The following RIC1 variants were observed in gnomAD, a reference collection of about 807,000 sequenced individuals.
RIC1 encodes RIC1 partner of RAB6A GEF complex.
A neutral mutation model predicts 169.0 loss-of-function variants in RIC1; 88 were observed. That is an observed-to-expected ratio of 0.52 (90% CI 0.44 to 0.62). The LOEUF (loss-of-function observed/expected upper bound fraction) is 0.62, where lower values mean the gene tolerates loss of function less well. RIC1 is among the 20% of genes least tolerant of loss of function. The probability of loss-of-function intolerance (pLI) is 0.00; values close to 1 mark genes in which losing one functional copy is unlikely to be tolerated. For synonymous variants in RIC1, 790 were observed against 601.5 expected (o/e 1.31, Z -4.59); for missense variants, 1,877 against 1,725.5 (o/e 1.09, Z -1.56).
chr9:5,706,671 T>A (rs1159583909), intron 3 of RIC1, among the ~76,000 whole-genome samples: 1 of 152,192 alleles, frequency 6.6e-6, no homozygotes, highest in Non-Finnish European at 1.5e-5. Context: ...TCGAGTCAGT[T>A]GGGAAATTTG....
intron 1 of RIC1, among the ~76,000 whole-genome samples, chr9:5,652,219 T>C (rs1009970916): frequency 6.6e-6 from 1 of 152,240 alleles, no homozygotes; most frequent in African/African-American, 2.4e-5. Context: ...GTATGAATTT[T>C]AGGCTTGTGT....
chr9:5,692,192 G>A (rs1214796014), intron 3 of RIC1, among the ~76,000 whole-genome samples: 1 of 152,096 alleles, frequency 6.6e-6, no homozygotes, highest in Non-Finnish European at 1.5e-5. Flanking sequence ...AATAGTTAAA[G>A]ATACAGGCTT....
rs575131448 is a variant in RIC1 at position 5,687,471 on chromosome 9, A to G, written c.253-2488A>G. On this transcript the variant is annotated intron_variant, in intron 2 of 25. Transcript: ENST00000414202. ...GAGATTTTCCTTTTTTTCTAATATA[A>G]GTATTTTAAGGCTGTAAATTTCCTC... is the stretch of plus-strand genomic sequence containing the variant. 2.2e-4 allele frequency among the ~76,000 whole-genome samples: 33 copies of G among 152,218 alleles called. No homozygotes were observed. In the South Asian group the frequency reaches 2.3e-3, roughly 11 times the overall value.
chr9:5,729,072 C>T (rs1422601569), intron 6 of RIC1, among the ~76,000 whole-genome samples: 1 of 152,124 alleles, frequency 6.6e-6, no homozygotes, highest in Non-Finnish European at 1.5e-5. Context: ...AAGAGTCCTG[C>T]AGTCCTTTCT....
chr9:5,749,320 A>C (rs907506426), intron 12 of RIC1, among the ~76,000 whole-genome samples: 4 of 152,244 alleles, frequency 2.6e-5, no homozygotes, highest in African/African-American at 9.6e-5. Context: ...CACTCCAGCT[A>C]CATGATTCAG....
Position 5,757,320 on chromosome 9 carries a change from A to T in RIC1, c.1861A>T (p.Thr621Ser). The T allele has an allele frequency of 6.2e-7, 1 of 1,613,976 alleles. No individual in the cohort carries two copies. Among genetic ancestry groups the T allele is most frequent in the African/African-American group, 1.3e-5 (1 of 75,040 alleles). ...SIERKSDGPN[T>S]TAGIQVLQEV... is the part of the protein sequence containing the mutation. The stretch of plus-strand genomic sequence containing the variant: ...TTTCTTTTGTTTTTACAGTCCAAAT[A>T]CTACTGCTGGTATTCAAGTTCTTCA... The change falls in exon 17 of 26, where the codon ACT becomes TCT. Residue 621 changes from threonine to serine, a missense_variant. Physicochemically the swap from Thr to Ser is moderately conservative, Grantham distance 58. Transcript: ENST00000414202.
intron 1 of RIC1, among the ~76,000 whole-genome samples, chr9:5,641,639 ATT>A (rs1818255251): frequency 1.4e-5 from 2 of 144,718 alleles, no homozygotes; most frequent in African/African-American, 5.6e-5. Context: ...CTCTGACTAT[ATT>A]GTCAAGTAGC....
In RIC1 at chr9:5,705,012, T is replaced by C. The variant is rs554854874; in HGVS notation, c.333-8884T>C. Among the ~76,000 whole-genome samples, 4 of 152,316 alleles carry C rather than the reference T, an allele frequency of 2.6e-5. No homozygotes were observed. The South Asian group carries it at 8.3e-4, about 32-fold the overall frequency. On this transcript the variant is annotated intron_variant, in intron 3 of 25. Coordinates refer to ENST00000414202, the MANE Select transcript of RIC1 (RefSeq NM_020829.4). ...TTATTAGGCTCTTAATTCCATTCCA[T>C]TGATCTGTATGTCTGCCCTTGTATC...
At chr9:5,673,145 C>T (rs1011084614) in intron 2 of RIC1, among the ~76,000 whole-genome samples, 2 of 151,894 alleles carry the variant, frequency 1.3e-5, no homozygotes, top group African/African-American at 2.4e-5. Flanking sequence ...CCATACCATC[C>T]ATGTTAGGTA....
intron 3 of RIC1, among the ~76,000 whole-genome samples, chr9:5,705,542 T>C (rs937290314): frequency 7.2e-5 from 11 of 152,202 alleles, no homozygotes; most frequent in African/African-American, 2.7e-4. Context: ...GTGGATTCTT[T>C]AGAATTTTCT....
intron 3 of RIC1, among the ~76,000 whole-genome samples, chr9:5,701,025 A>AT (rs1026437276): frequency 2.6e-5 from 4 of 152,002 alleles, no homozygotes; most frequent in Admixed American, 6.5e-5. Context: ...CTGGTGTTTA[A>AT]TTTCCCTTCA....
At chr9:5,640,217 T>C (rs1264142036) in intron 1 of RIC1, among the ~76,000 whole-genome samples, 1 of 152,206 alleles carries the variant, frequency 6.6e-6, no homozygotes, top group Non-Finnish European at 1.5e-5. Flanking sequence ...GCTTTTTATG[T>C]TTTGTGTATC....
chr9:5,741,746 C>T (rs1288255724), intron 8 of RIC1, among the ~76,000 whole-genome samples: 2 of 152,100 alleles, frequency 1.3e-5, no homozygotes, highest in Non-Finnish European at 1.5e-5. Flanking sequence ...GTCTGTTAAT[C>T]CCAAAATCTG....
At chr9:5,706,982 G>A (rs1822629780) in intron 3 of RIC1, among the ~76,000 whole-genome samples, 2 of 152,018 alleles carry the variant, frequency 1.3e-5, no homozygotes, top group Non-Finnish European at 1.5e-5. Flanking sequence ...GTTCCATAAG[G>A]TATAAAGTTA....
At position 5,776,162 on chromosome 9, in the gene RIC1, C is replaced by T. The variant is rs1483718442; in HGVS notation, c.*1916C>T. ...GCACCAGTATAAGTTAACTGTATTCCTGTGGGTTAGGCCGTGAATGAATCA... is the reference window on the plus strand; with the variant it reads ...GCACCAGTATAAGTTAACTGTATTCTTGTGGGTTAGGCCGTGAATGAATCA... On this transcript the variant is annotated 3_prime_UTR_variant, in exon 26 of 26. Coordinates refer to ENST00000414202, the MANE Select transcript of RIC1 (RefSeq NM_020829.4). The T allele has an allele frequency of 6.6e-6, 1 of 152,132 alleles. No homozygotes were observed. The highest frequency in any genetic ancestry group is 1.5e-5 in the Non-Finnish European group (1 of 67,984). 9.4% of individuals were successfully genotyped at this position (152,132 alleles called of 1,614,324 possible).
At chr9:5,689,894 T>G (rs1269917877) in intron 2 of RIC1, 65 bp from the exon 3 acceptor site, 8 of 1,105,044 alleles carry the variant, frequency 7.2e-6, no homozygotes, top group African/African-American at 3.3e-5. Context: ...TTTATAAAAT[T>G]AAAATTCAGG....
intron 8 of RIC1, among the ~76,000 whole-genome samples, chr9:5,741,902 C>T (rs1364789797): frequency 1.3e-5 from 2 of 152,132 alleles, no homozygotes; most frequent in East Asian, 1.9e-4. Context: ...AACTGGATAA[C>T]ATTTGAGTTT....
chr9:5,668,760 T>G (rs1020577450), intron 2 of RIC1, among the ~76,000 whole-genome samples: 2 of 152,110 alleles, frequency 1.3e-5, no homozygotes, highest in Non-Finnish European at 1.5e-5. Context: ...TTTATCGATA[T>G]TCTCATTTTG....
At chr9:5,768,070 C>T (rs1439407417) in intron 21 of RIC1, among the ~76,000 whole-genome samples, 1 of 152,172 alleles carries the variant, frequency 6.6e-6, no homozygotes, top group Non-Finnish European at 1.5e-5. Flanking sequence ...AGCCAAGATC[C>T]GAATCCAGGC....
Sources: allele counts gnomAD v4.1 joint callset (sites outside exome capture counted in the v4.1 genomes callset), GRCh38; gene constraint gnomAD v4.1.1; transcripts MANE v1.5; gene names NCBI Gene and HGNC (gene_info 2026-07-23, HGNC 2026-07-21).